Variants in PHC2 observed in about 807,000 individuals in gnomAD.
The protein encoded by PHC2 is polyhomeotic homolog 2.
Under a neutral mutation model 87.4 loss-of-function variants are expected in PHC2, and 29 were observed. The observed-to-expected ratio is 0.33, with a 90% CI of 0.25 to 0.45. The LOEUF (loss-of-function observed/expected upper bound fraction) is 0.45, where lower values mean the gene tolerates loss of function less well. PHC2 is among the 20% of genes least tolerant of loss of function. The probability of loss-of-function intolerance (pLI) is 1.00; values close to 1 mark genes in which losing one functional copy is unlikely to be tolerated. For synonymous variants in PHC2, 438 were observed against 461.7 expected (o/e 0.95, Z 0.66); for missense variants, 857 against 1,136.7 (o/e 0.75, Z 3.54).
intron 7 of PHC2, chr1:33,363,888 T>C: frequency 1.0e-6 from 1 of 985,218 alleles, no homozygotes; most frequent in South Asian, 4.7e-5. Flanking sequence ...CTGCCTCTCT[T>C]CTGCCCTCCA....
chr1:33,392,666 A>G (rs575870383), intron 1 of PHC2: 2 of 152,214 alleles, frequency 1.3e-5, no homozygotes, highest in African/African-American at 4.8e-5. Flanking sequence ...GCCCAACCCA[A>G]AGCAGATTGT....
At chr1:33,402,979 A>G (rs2148379370) in intron 1 of PHC2, among the ~76,000 whole-genome samples, 1 of 149,904 alleles carries the variant, frequency 6.7e-6, no homozygotes, top group Non-Finnish European at 1.5e-5. Context: ...CGACTTTTTA[A>G]ATTTTTTTTA....
chr1:33,388,366 C>T (rs1648867523), intron 1 of PHC2, among the ~76,000 whole-genome samples: 1 of 150,322 alleles, frequency 6.7e-6, no homozygotes, highest in Non-Finnish European at 1.5e-5. Context: ...TCTTGTTGCC[C>T]AGGCTGGAGT....
intron 5 of PHC2, 91 bp downstream of exon 5, chr1:33,370,330 C>T (rs1001693128): frequency 2.2e-6 from 3 of 1,334,736 alleles, no homozygotes; most frequent in African/African-American, 2.9e-5. Context: ...CTAGTGCTTC[C>T]TCCCCACCCT....
At chr1:33,427,606 T>C (rs1650734202) in intron 1 of PHC2, among the ~76,000 whole-genome samples, 1 of 152,168 alleles carries the variant, frequency 6.6e-6, no homozygotes. Context: ...AAGCTATCAT[T>C]TTCAAAAAGT....
Position 33,355,231 on chromosome 1 carries a change from G to C in PHC2, c.999C>G (p.His333Gln). 6.3e-7 allele frequency: 1 copy of C among 1,586,426 alleles called. No homozygotes were observed. The highest frequency in any genetic ancestry group is 2.2e-5 in the East Asian group (1 of 44,566). ...IAPAYAQLQP[H>Q]QLLPQPSSKH... ...TTGAGGATGGCTGTGGGAGGAGCTG[G>C]TGTGGCTGCAGCTGAGCATAGGCTG... The change falls in exon 8 of 15, where the codon CAC becomes CAG. Residue 333 changes from histidine (H) to glutamine (Q), a missense_variant. By Grantham distance (24) the His-to-Gln change is conservative (BLOSUM62 0). This residue lies in a region of PHC2 where 832 missense variants were observed against 1,081.8 expected (regional missense o/e 0.77). Transcript: ENST00000683057.
intron 1 of PHC2, among the ~76,000 whole-genome samples, chr1:33,425,744 C>T (rs996667974): frequency 6.6e-6 from 1 of 152,186 alleles, no homozygotes; most frequent in African/African-American, 2.4e-5. Flanking sequence ...CATGCCACAG[C>T]ATAACTAGGA....
intron 2 of PHC2, among the ~76,000 whole-genome samples, chr1:33,373,945 G>T (rs76877198): frequency 1.1e-3 from 162 of 152,252 alleles, no homozygotes; most frequent in African/African-American, 3.7e-3. Context: ...TGTTATAGCA[G>T]ATCCTCCGTG....
At position 33,332,131 on chromosome 1, in the gene PHC2, A is replaced by G. The variant is rs1386285205; in HGVS notation, c.1891+144T>C. ...TTTCCCCTATCCCTCTTTTTGAGGG[A>G]AGGAGGCTGAGGAGGTGCTGGGGGA... On this transcript the variant is annotated intron_variant, in intron 11 of 14. Coordinates refer to ENST00000683057, the MANE Select transcript of PHC2 (RefSeq NM_001385109.1). The surrounding 1 kb of genome is among the most constrained non-coding windows in gnomAD (Gnocchi z 4.2). 1 of 858,120 alleles carries G rather than the reference A, an allele frequency of 1.2e-6. No individual in the cohort carries two copies. Among genetic ancestry groups the G allele is most frequent in the Non-Finnish European group, 1.8e-6 (1 of 551,282 alleles). The allele number at this position is 858,120 out of a possible 1,614,324, so 53.2% of individuals were successfully genotyped here. A position where few individuals can be genotyped will look rare whatever the true frequency, so the allele number is the denominator to read the frequency against.
chr1:33,359,859 A>C (rs981377615), intron 7 of PHC2, among the ~76,000 whole-genome samples: 1 of 152,234 alleles, frequency 6.6e-6, no homozygotes, highest in African/African-American at 2.4e-5. Flanking sequence ...CCAGGGCATC[A>C]TGTATAGTTG....
chr1:33,327,421 G>C (rs532123462), intron 14 of PHC2, among the ~76,000 whole-genome samples: 1 of 152,248 alleles, frequency 6.6e-6, no homozygotes, highest in Non-Finnish European at 1.5e-5. Context: ...GTGGCGGTGA[G>C]GGTATTCTGC....
At position 33,368,856 on chromosome 1, in the gene PHC2, C is replaced by T. The variant is rs941936677; in HGVS notation, c.577-234G>A. ...GCCTTTCTCTAGAGGCTCGTTGCAT[C>T]CTGACCCAGGCTGGGTGCAGGGGTG... On this transcript the variant is annotated intron_variant, in intron 5 of 14. Transcript: ENST00000683057. The surrounding 1 kb of genome is among the most constrained non-coding windows in gnomAD (Gnocchi z 6.6). Among the ~76,000 whole-genome samples, 1 of 152,096 alleles carries T rather than the reference C, an allele frequency of 6.6e-6. No homozygotes were observed. The highest frequency in any genetic ancestry group is 2.4e-5 in the African/African-American group (1 of 41,394).
intron 1 of PHC2, among the ~76,000 whole-genome samples, chr1:33,379,217 G>A (rs1249306692): frequency 6.6e-6 from 1 of 151,272 alleles, no homozygotes; most frequent in African/African-American, 2.4e-5. Flanking sequence ...CACTCTTGTC[G>A]CCTGTCTCCT....
In PHC2 at chr1:33,364,015, C is replaced by A. The variant is rs966684445; in HGVS notation, c.976+3101G>T. 2 of 473,250 alleles carry A rather than the reference C, an allele frequency of 4.2e-6. No individual in the cohort carries two copies. The highest frequency in any genetic ancestry group is 5.5e-6 in the Non-Finnish European group (2 of 361,690). 29.3% of individuals were successfully genotyped at this position (473,250 alleles called of 1,614,324 possible). Reference sequence around the variant, plus strand: ...TACTCCCCTCCCCCACCTGCTCCCCCACCCCTATTCTCGGCATAAGGGACC... The same window carrying A: ...TACTCCCCTCCCCCACCTGCTCCCCAACCCCTATTCTCGGCATAAGGGACC... On this transcript the variant is annotated intron_variant, in intron 7 of 14. Transcript: ENST00000683057. The surrounding 1 kb of genome is among the most constrained non-coding windows in gnomAD (Gnocchi z 4.1).
intron 1 of PHC2, among the ~76,000 whole-genome samples, chr1:33,430,375 C>T (rs1650856523): frequency 6.6e-6 from 1 of 152,160 alleles, no homozygotes. Flanking sequence ...TCCAGCAACC[C>T]CCGGTTCCCT....
intron 1 of PHC2, among the ~76,000 whole-genome samples, chr1:33,417,528 A>AGG (rs1650262469): frequency 6.6e-6 from 1 of 152,106 alleles, no homozygotes; most frequent in African/African-American, 2.4e-5. Flanking sequence ...ATATTGCCAG[A>AGG]AAAAAGAAGG....
intron 9 of PHC2, among the ~76,000 whole-genome samples, chr1:33,348,159 T>A (rs1646881159): frequency 6.6e-6 from 1 of 152,208 alleles, no homozygotes; most frequent in Admixed American, 6.5e-5. Flanking sequence ...ACCAACACAG[T>A]CAGGTACTTT....
At chr1:33,344,586 A>G (rs4653069) in intron 9 of PHC2, among the ~76,000 whole-genome samples, 109,077 of 152,166 alleles carry the variant, frequency 0.72, 39,856 homozygotes, top group African/African-American at 0.86. Context: ...GCCTCAAAAT[A>G]TGGATTTAAT....
chr1:33,417,521 T>C (rs935396268), intron 1 of PHC2, among the ~76,000 whole-genome samples: 19 of 110,936 alleles, frequency 1.7e-4, no homozygotes, highest in Non-Finnish European at 3.6e-4. Context: ...GGAAGGAATA[T>C]TGCCAGAAAA....
Sources: gnomAD v4.1 joint callset for allele counts (sites outside exome capture counted in the v4.1 genomes callset) on GRCh38, gnomAD v4.1.1 for gene constraint, gnomAD v4.1.1 regional missense constraint, Gnocchi (gnomAD v3.1) non-coding constraint, MANE v1.5 for transcripts, NCBI Gene and HGNC (gene_info 2026-07-23, HGNC 2026-07-21) for gene names.